Variants in PRKDC observed in about 807,000 individuals in gnomAD.
PRKDC encodes the protein protein kinase, DNA-activated, catalytic subunit.
A neutral mutation model predicts 486.9 loss-of-function variants in PRKDC; 82 were observed. That is an observed-to-expected ratio of 0.17 (90% CI 0.14 to 0.20). PRKDC has a LOEUF of 0.20. PRKDC is among the 10% of genes least tolerant of loss of function. The pLI is 1.00. For synonymous variants in PRKDC, 1,895 were observed against 1,837.0 expected (o/e 1.03, Z -0.81); for missense variants, 4,504 against 5,038.2 (o/e 0.89, Z 3.21).
Position 47,879,502 on chromosome 8 carries a change from A to T in PRKDC, c.5224T>A (p.Cys1742Ser). The change falls in exon 39 of 86, where the codon TGC becomes AGC. Residue 1742 changes from cysteine (C) to serine (S), a missense_variant. This residue lies in a region of PRKDC where 1,969 missense variants were observed against 2,068.9 expected (regional missense o/e 0.95). Coordinates refer to ENST00000314191, the MANE Select transcript of PRKDC (RefSeq NM_006904.7). ...GTPRFNNYVD[C>S]MKKFLDALEL... ...TACTAGAAACTAACCTTTTTCATGC[A>T]GTCCACATAATTATTGAACCGCGGA... 6.3e-7 allele frequency: 1 copy of T among 1,579,960 alleles called. No individual in the cohort carries two copies. The highest frequency in any genetic ancestry group is 1.2e-5 in the South Asian group (1 of 84,784).
In PRKDC at chr8:47,807,161, C is replaced by T; in HGVS notation, c.9723G>A (p.Lys3241=). The part of the protein sequence containing the change: ...IRSCKFSMKM[K]MIDSARKQNN... Reference sequence around the variant, plus strand: ...CCTGCTTCCGGGCACTGTCTATCATCTTCATTTTCATGGAAAACTTGCAAC... The same window carrying T: ...CCTGCTTCCGGGCACTGTCTATCATTTTCATTTTCATGGAAAACTTGCAAC... Residue 3241 remains lysine, a synonymous_variant, in exon 69 of 86, where the codon AAG becomes AAA. Transcript: ENST00000314191. The T allele has an allele frequency of 6.2e-7, 1 of 1,613,930 alleles. No individual in the cohort carries two copies. The highest frequency in any genetic ancestry group is 8.5e-7 in the Non-Finnish European group (1 of 1,179,840).
intron 70 of PRKDC, among the ~76,000 whole-genome samples, 152 bp downstream of exon 70, chr8:47,803,154 T>A (rs575909090): frequency 2.6e-5 from 4 of 152,356 alleles, no homozygotes; most frequent in South Asian, 4.1e-4. Context: ...AATTAAACTA[T>A]CATTCTCTGG....
At chr8:47,895,142 A>T (rs1459339402) in intron 30 of PRKDC, among the ~76,000 whole-genome samples, 1 of 152,200 alleles carries the variant, frequency 6.6e-6, no homozygotes, top group Non-Finnish European at 1.5e-5. Context: ...CAAGAGGATC[A>T]CATGAGCCTA....
chr8:47,930,700 C>A lies in PRKDC; in HGVS notation c.1864G>T (p.Ala622Ser). ...CAAAATTCCACCAGGTTAATGAAAG[C>A]CGAAAAATCTTTAGGTTTAGCTGGA... The part of the protein sequence containing the change: ...LHPAKPKDFS[A>S]FINLVEFCRE... Residue 622 changes from alanine (A) to serine (S), a missense_variant, in exon 17 of 86, where the codon GCT becomes TCT. Transcript: ENST00000314191. 1 of 1,580,664 alleles carries A rather than the reference C, an allele frequency of 6.3e-7. No homozygotes were observed. Among genetic ancestry groups the A allele is most frequent in the Non-Finnish European group, 8.6e-7 (1 of 1,162,808 alleles).
At chr8:47,941,504 G>A (rs1404555408) in intron 10 of PRKDC, among the ~76,000 whole-genome samples, 1 of 152,172 alleles carries the variant, frequency 6.6e-6, no homozygotes, top group Non-Finnish European at 1.5e-5. Context: ...CCCAAACACA[G>A]AGGTTTGGGG....
At position 47,890,426 on chromosome 8, in the gene PRKDC, A is replaced by T; in HGVS notation, c.3902T>A (p.Ile1301Asn). The stretch of plus-strand genomic sequence containing the variant: ...TGCTGCTATAATGTCATGCATGGCA[A>T]TGCTTTCTAAGAAGAAAGCCACTGC... ...LKAVAFFLES[I>N]AMHDIIAAEK... is the part of the protein sequence containing the mutation. The change falls in exon 32 of 86, where the codon ATT becomes AAT. Residue 1301 changes from isoleucine (I) to asparagine (N), a missense_variant. Transcript: ENST00000314191. 6.3e-7 allele frequency: 1 copy of T among 1,592,888 alleles called. No homozygotes were observed. The highest frequency in any genetic ancestry group is 8.6e-7 in the Non-Finnish European group (1 of 1,168,530).
intron 9 of PRKDC, 130 bp from the exon 10 acceptor site, chr8:47,943,496 A>AT: frequency 1.0e-6 from 1 of 956,810 alleles, no homozygotes; most frequent in Non-Finnish European, 1.5e-6. Flanking sequence ...CACTACAGTA[A>AT]CCCAGGGATT....
chr8:47,927,158 A>T, intron 21 of PRKDC, 36 bp downstream of exon 21: 1 of 1,591,046 alleles, frequency 6.3e-7, no homozygotes. Flanking sequence ...TTTCCATTTT[A>T]ATTACAATAC....
chr8:47,852,737 T>C lies in PRKDC; in HGVS notation c.6941A>G (p.Glu2314Gly). ...AACTTCTGCTGCAGCGGCATACACTTCTTTATATCTTACAAAGGACATATT... is the reference window on the plus strand; with the variant it reads ...AACTTCTGCTGCAGCGGCATACACTCCTTTATATCTTACAAAGGACATATT... ...VNNMSFVRYK[E>G]VYAAAAEVLG... Residue 2314 changes from glutamate to glycine, a missense_variant, in exon 52 of 86, where the codon GAA (glutamate) becomes GGA (glycine). Glu to Gly is a moderately conservative substitution (Grantham distance 98). Coordinates refer to ENST00000314191, the MANE Select transcript of PRKDC (RefSeq NM_006904.7). 6.3e-7 allele frequency: 1 copy of C among 1,579,456 alleles called. No homozygotes were observed.
Position 47,778,503 on chromosome 8 carries a change from C to T in PRKDC, c.11809G>A (p.Val3937Met), listed in dbSNP as rs56090750. ...GCATGCCCAAAGTCGATCCCGATCA[C>T]GCCGCCAGTCTCCATGGCCACCATA... ...NFMVAMETGG[V>M]IGIDFGHAFG... The change falls in exon 83 of 86, where the codon GTG (valine) becomes ATG (methionine). Residue 3937 changes from valine (V) to methionine (M), a missense_variant. Physicochemically the swap from Val to Met is conservative, Grantham distance 21. Around this residue, in one of 6 missense-constraint regions of PRKDC, gnomAD observed 706 missense variants for 945.0 expected, o/e 0.75. Transcript: ENST00000314191. 307 of 1,613,656 alleles carry T rather than the reference C, an allele frequency of 1.9e-4. 1 individual carries two copies. Among genetic ancestry groups the T allele is most frequent in the South Asian group, 3.2e-4 (29 of 90,976 alleles).
intron 7 of PRKDC, among the ~76,000 whole-genome samples, chr8:47,951,711 C>G (rs938005784): frequency 8.0e-6 from 1 of 124,866 alleles, no homozygotes; most frequent in Non-Finnish European, 1.8e-5. Context: ...AAGACCCTGT[C>G]TCCAAAAAAA....
In PRKDC at chr8:47,897,195, A is replaced by G; in HGVS notation, c.3564T>C (p.Ile1188=). The change falls in exon 30 of 86, where the codon ATT becomes ATC. Residue 1188 remains isoleucine, a synonymous_variant. Coordinates refer to ENST00000314191, the MANE Select transcript of PRKDC (RefSeq NM_006904.7). ...AAGGAACGAATTTATAAAAGAGTTC[A>G]ATGGATTTGTGTCGACATTCTGTCT... ...RPQTECRHKS[I]ELFYKFVPLL... is the part of the protein sequence containing the mutation. 6.2e-7 allele frequency: 1 copy of G among 1,606,000 alleles called. No homozygotes were observed. The highest frequency in any genetic ancestry group is 8.5e-7 in the Non-Finnish European group (1 of 1,173,370).
In PRKDC at chr8:47,894,852, T is replaced by C. The variant is rs987093318; in HGVS notation, c.3599-1465A>G. Among the ~76,000 whole-genome samples, 3 of 152,186 alleles carry C rather than the reference T, an allele frequency of 2.0e-5. No homozygotes were observed. In the South Asian group the frequency reaches 6.2e-4, roughly 32 times the overall value. On this transcript the variant is annotated intron_variant, in intron 30 of 85. Transcript: ENST00000314191. ...TGGGAAGCCAAGGCAGGAGGACTGCTTGGGGTCAGGACTCAAGACTAGCCT... is the reference window on the plus strand; with the variant it reads ...TGGGAAGCCAAGGCAGGAGGACTGCCTGGGGTCAGGACTCAAGACTAGCCT...
intron 74 of PRKDC, among the ~76,000 whole-genome samples, chr8:47,792,397 T>G (rs1460104581): frequency 6.6e-6 from 1 of 151,868 alleles, no homozygotes; most frequent in Non-Finnish European, 1.5e-5. Context: ...TAGCTGGGAC[T>G]ATAGGCACCT....
intron 25 of PRKDC, among the ~76,000 whole-genome samples, chr8:47,909,135 G>A (rs2089849439): frequency 1.3e-5 from 2 of 152,158 alleles, no homozygotes; most frequent in African/African-American, 4.8e-5. Flanking sequence ...AACACTCTTA[G>A]GATTGGTTTA....
chr8:47,907,141 C>G (rs539145010), intron 25 of PRKDC, among the ~76,000 whole-genome samples: 2 of 150,958 alleles, frequency 1.3e-5, no homozygotes. Context: ...CCCGGGTCCA[C>G]GCCATTCTCC....
intron 14 of PRKDC, 24 bp from the exon 15 acceptor site, chr8:47,934,114 A>G (rs756329567): frequency 6.3e-7 from 1 of 1,598,234 alleles, no homozygotes; most frequent in Non-Finnish European, 8.5e-7. Flanking sequence ...CAGCATGACA[A>G]TATGTAGTGA....
In PRKDC at chr8:47,778,637, G is replaced by C. The variant is rs374822637; in HGVS notation, c.11675C>G (p.Thr3892Arg). The C allele has an allele frequency of 6.2e-7, 1 of 1,613,530 alleles. No homozygotes were observed. ...LLKRAFVRMSTSPEAFLALRS... is the reference protein window; with the variant it reads ...LLKRAFVRMSRSPEAFLALRS... ...GAGCGCCAGGAAAGCCTCAGGGCTT[G>C]TACTCATCCTCACGAAGGCCCGCCT... The change falls in exon 83 of 86, where the codon ACA (threonine) becomes AGA (arginine). Residue 3892 changes from threonine to arginine, a missense_variant. Around this residue, in one of 6 missense-constraint regions of PRKDC, gnomAD observed 706 missense variants for 945.0 expected, o/e 0.75. Transcript: ENST00000314191.
Position 47,798,302 on chromosome 8 carries a change from A to T in PRKDC, c.10393T>A (p.Phe3465Ile). The part of the protein sequence containing the change: ...KLNSNEARLK[F>I]PRLLQIIERY... ...TCTATAATCTGAAGTAATCTAGGAA[A>T]CTTCAATCTGGCTTCATTGGAATTT... The change falls in exon 73 of 86, where the codon TTT becomes ATT. Residue 3465 changes from phenylalanine to isoleucine, a missense_variant. Physicochemically the swap from Phe to Ile is conservative, Grantham distance 21. Around this residue, in one of 6 missense-constraint regions of PRKDC, gnomAD observed 706 missense variants for 945.0 expected, o/e 0.75. Coordinates refer to ENST00000314191, the MANE Select transcript of PRKDC (RefSeq NM_006904.7). The T allele has an allele frequency of 6.2e-7, 1 of 1,613,818 alleles. No individual in the cohort carries two copies. Among genetic ancestry groups the T allele is most frequent in the Non-Finnish European group, 8.5e-7 (1 of 1,179,812 alleles).
Sources: allele counts gnomAD v4.1 joint callset (sites outside exome capture counted in the v4.1 genomes callset), GRCh38; gene constraint gnomAD v4.1.1; regional missense constraint gnomAD v4.1.1; transcripts MANE v1.5; gene names NCBI Gene and HGNC (gene_info 2026-07-23, HGNC 2026-07-21).